The following PKD1L1 variants were observed in gnomAD, a reference collection of about 807,000 sequenced individuals.
PKD1L1 encodes the protein polycystin 1 like 1, transient receptor potential channel interacting, also known as polycystin-1-like protein 1.
PKD1L1 carries 236 observed loss-of-function variants against 323.4 expected under a neutral mutation model. The observed-to-expected ratio is 0.73, with a 90% CI of 0.66 to 0.81. PKD1L1 has a LOEUF of 0.81. Among genes scored for constraint, PKD1L1 ranks in the 40% least tolerant of loss-of-function variants. The pLI, the probability that PKD1L1 is intolerant of heterozygous loss-of-function variation, is 0.00. For missense variants in PKD1L1, 3,320 were observed against 3,508.0 expected (o/e 0.95, Z 1.35); for synonymous variants, 1,344 against 1,335.0 (o/e 1.01, Z -0.15).
chr7:47,875,389 C>A (rs1301278393), intron 23 of PKD1L1, among the ~76,000 whole-genome samples: 2 of 152,108 alleles, frequency 1.3e-5, no homozygotes, highest in African/African-American at 2.4e-5. Context: ...TCTTACCAGT[C>A]CAAATTAAAG....
intron 31 of PKD1L1, among the ~76,000 whole-genome samples, chr7:47,849,278 C>T (rs554157391): frequency 1.3e-5 from 2 of 152,286 alleles, no homozygotes; most frequent in Admixed American, 6.5e-5. Context: ...CTCTTCTAGA[C>T]ATTGGCTTAG....
rs768289424 is a variant in PKD1L1, at chr7:47,857,791, C to T, written c.4404G>A (p.Glu1468=). 6.2e-7 allele frequency: 1 copy of T among 1,614,184 alleles called. No individual in the cohort carries two copies. Among genetic ancestry groups the T allele is most frequent in the South Asian group, 1.1e-5 (1 of 91,084 alleles). Residue 1468 remains glutamate (E), a synonymous_variant, in exon 28 of 57, where the codon GAG becomes GAA. Coordinates refer to ENST00000289672, the MANE Select transcript of PKD1L1 (RefSeq NM_138295.5). ...GGTTGTAATGAAGAAGGGTCCGGAA[C>T]TCCATCTGCCCAGTGCTAACATGGT... ...SLNHVSTGQM[E]FRTLLHYNLQ... is the part of the protein sequence containing the mutation.
chr7:47,942,716 A>C (rs1451789013), intron 2 of PKD1L1, among the ~76,000 whole-genome samples: 1 of 152,190 alleles, frequency 6.6e-6, no homozygotes, highest in Non-Finnish European at 1.5e-5. Flanking sequence ...CTGTAACCTA[A>C]GTATTCCCTT....
intron 46 of PKD1L1, 35 bp downstream of exon 46, chr7:47,821,041 G>T: frequency 1.5e-6 from 2 of 1,312,500 alleles, no homozygotes; most frequent in Non-Finnish European, 2.2e-6. Context: ...TAGTGCAATG[G>T]CCCCAGATCT....
intron 4 of PKD1L1, 91 bp from the exon 5 acceptor site, chr7:47,932,147 A>G: frequency 6.7e-7 from 1 of 1,500,284 alleles, no homozygotes; most frequent in Admixed American, 2.1e-5. Context: ...CATGCCCTTC[A>G]CCAGGCTTTG....
At chr7:47,829,889 C>T (rs1442605263) in intron 43 of PKD1L1, 151 bp downstream of exon 43, 3 of 822,582 alleles carry the variant, frequency 3.6e-6, no homozygotes, top group Admixed American at 2.4e-5. Flanking sequence ...TGCAGCTTAG[C>T]ACAGAGCCTG....
At chr7:47,909,101 G>T (rs1450632505) in intron 8 of PKD1L1, among the ~76,000 whole-genome samples, 1 of 152,134 alleles carries the variant, frequency 6.6e-6, no homozygotes, top group Admixed American at 6.5e-5. Flanking sequence ...CTAAGTTTAG[G>T]GTGGCTTGTT....
rs117511904 is a variant in PKD1L1 at position 47,890,682 on chromosome 7, C to A, written c.2535G>T (p.Ala845=). Residue 845 remains alanine (A), a synonymous_variant, in exon 16 of 57, where the codon GCG becomes GCT. Coordinates refer to ENST00000289672, the MANE Select transcript of PKD1L1 (RefSeq NM_138295.5). ...GTGCCTCAAAGGAAACAGTGGGAGC[C>A]GCGGCATCCAGTTGGTGTGCAGTGG... ...DSSTAHQLDA[A]APTVSFEAQW... 17 of 1,613,804 alleles carry A rather than the reference C, an allele frequency of 1.1e-5. No homozygotes were observed. The South Asian group carries it at 1.8e-4, about 17-fold the overall frequency.
intron 37 of PKD1L1, among the ~76,000 whole-genome samples, chr7:47,835,993 G>C (rs939188862): frequency 6.6e-6 from 1 of 152,186 alleles, no homozygotes; most frequent in Admixed American, 6.5e-5. Context: ...ACAGAGAAAA[G>C]TGGTTAGTGG....
intron 8 of PKD1L1, among the ~76,000 whole-genome samples, chr7:47,913,170 A>G (rs1030262129): frequency 3.3e-5 from 5 of 152,206 alleles, no homozygotes; most frequent in African/African-American, 1.2e-4. Flanking sequence ...GAGCCAGCAC[A>G]CTGTCGTTCC....
chr7:47,803,454 A>T (rs755385013), intron 52 of PKD1L1, 110 bp from the exon 53 acceptor site: 1 of 1,281,770 alleles, frequency 7.8e-7, no homozygotes, highest in Non-Finnish European at 1.1e-6. Context: ...TGATGATGTT[A>T]TATAGACCCA....
At chr7:47,852,208 T>G (rs1330474080) in intron 31 of PKD1L1, among the ~76,000 whole-genome samples, 1 of 152,186 alleles carries the variant, frequency 6.6e-6, no homozygotes, top group African/African-American at 2.4e-5. Context: ...AAGGCAAATG[T>G]GGCAGAAATC....
intron 23 of PKD1L1, among the ~76,000 whole-genome samples, chr7:47,875,036 C>T (rs1276987701): frequency 6.6e-6 from 1 of 152,196 alleles, no homozygotes; most frequent in Non-Finnish European, 1.5e-5. Context: ...ACTTCCAACA[C>T]AGAGCTGAGG....
intron 7 of PKD1L1, among the ~76,000 whole-genome samples, chr7:47,921,046 GTTAA>G (rs1236470629): frequency 6.6e-6 from 1 of 151,994 alleles, no homozygotes; most frequent in East Asian, 1.9e-4. Flanking sequence ...ATAGTTGGGA[GTTAA>G]TTAAACTAAA....
At chr7:47,803,864 T>C (rs574964168) in intron 52 of PKD1L1, among the ~76,000 whole-genome samples, 1 of 152,310 alleles carries the variant, frequency 6.6e-6, no homozygotes, top group South Asian at 2.1e-4. Flanking sequence ...ACGGCTCAGA[T>C]AAACAGTGTG....
At chr7:47,802,232 T>C (rs1261149093) in intron 53 of PKD1L1, among the ~76,000 whole-genome samples, 3 of 150,482 alleles carry the variant, frequency 2.0e-5, no homozygotes, top group Non-Finnish European at 4.4e-5. Flanking sequence ...TGTTGCTAAA[T>C]GGTCTTAATA....
At chr7:47,922,281 G>A (rs1028755698) in intron 7 of PKD1L1, among the ~76,000 whole-genome samples, 3 of 152,166 alleles carry the variant, frequency 2.0e-5, no homozygotes, top group Non-Finnish European at 2.9e-5. Flanking sequence ...CCTCCGAGCC[G>A]CCTGCCTTGG....
Position 47,835,116 on chromosome 7 carries a change from G to A in PKD1L1, c.6054+17C>T, listed in dbSNP as rs749915824. 4.4e-6 allele frequency: 7 copies of A among 1,601,242 alleles called. No homozygotes were observed. Among genetic ancestry groups the A allele is most frequent in the South Asian group, 1.1e-5 (1 of 90,084 alleles). On this transcript the variant is annotated intron_variant, in intron 38 of 56. Transcript: ENST00000289672. ...GCTGCTCAGGAGAACAGGGCCATGA[G>A]GACAAGTCGCAGGTACCTTGCTGAG...
chr7:47,890,331 T>G (rs989636351), intron 16 of PKD1L1, among the ~76,000 whole-genome samples: 1 of 152,250 alleles, frequency 6.6e-6, no homozygotes, highest in Non-Finnish European at 1.5e-5. Flanking sequence ...TGTGCTTGGC[T>G]GTCAGATGCT....
Sources: gnomAD v4.1 joint callset for allele counts (sites outside exome capture counted in the v4.1 genomes callset) on GRCh38, gnomAD v4.1.1 for gene constraint, MANE v1.5 for transcripts, NCBI Gene and HGNC (gene_info 2026-07-23, HGNC 2026-07-21) for gene names.